Variants in SAMMSON observed in about 807,000 individuals in gnomAD.
SAMMSON encodes survival associated mitochondrial melanoma specific oncogenic non-coding RNA.
intron 3 of SAMMSON, among the ~76,000 whole-genome samples, chr3:70,026,484 ATC>A (rs1422090577): frequency 6.6e-6 from 1 of 152,088 alleles, no homozygotes; most frequent in Admixed American, 6.6e-5. Flanking sequence ...TTTCCTAAAT[ATC>A]TGAGGGTACT....
chr3:70,223,024 G>A (rs1701474304), intron 4 of SAMMSON, among the ~76,000 whole-genome samples: 1 of 152,114 alleles, frequency 6.6e-6, no homozygotes, highest in Admixed American at 6.6e-5. Context: ...CTGTGAGTAT[G>A]AGTTAGGGGC....
intron 6 of SAMMSON, among the ~76,000 whole-genome samples, chr3:70,279,067 CT>C (rs1702055997): frequency 1.3e-5 from 2 of 149,854 alleles, no homozygotes; most frequent in South Asian, 2.2e-4. Flanking sequence ...TTCCTAACAT[CT>C]TCTCATTTGC....
At chr3:70,056,150 A>T (rs2067166591) in intron 3 of SAMMSON, among the ~76,000 whole-genome samples, 1 of 152,032 alleles carries the variant, frequency 6.6e-6, no homozygotes, top group Non-Finnish European at 1.5e-5. Flanking sequence ...CCTCAAAGTT[A>T]GAGACAAAGG....
intron 4 of SAMMSON, among the ~76,000 whole-genome samples, chr3:70,171,541 A>G (rs976470469): frequency 1.3e-5 from 2 of 151,922 alleles, no homozygotes; most frequent in African/African-American, 4.8e-5. Flanking sequence ...AAATCTGAGT[A>G]TAGTTTTGGC....
intron 4 of SAMMSON, among the ~76,000 whole-genome samples, chr3:70,170,579 C>CTTT (rs538385626): frequency 5.0e-4 from 53 of 105,482 alleles, no homozygotes; most frequent in South Asian, 9.6e-4. Context: ...CTAGATTTTC[C>CTTT]TTTTTTTTTT....
intron 1 of SAMMSON, among the ~76,000 whole-genome samples, chr3:70,011,173 G>C (rs2066953967): frequency 6.6e-6 from 1 of 152,004 alleles, no homozygotes; most frequent in South Asian, 2.1e-4. Flanking sequence ...TGAGGTGCAT[G>C]CTATCATCTG....
chr3:70,049,099 T>C (rs1270905749), intron 3 of SAMMSON, among the ~76,000 whole-genome samples: 2 of 152,196 alleles, frequency 1.3e-5, no homozygotes, highest in Non-Finnish European at 2.9e-5. Flanking sequence ...TTTGTTCATA[T>C]ATTTATTCTT....
At chr3:70,299,579 G>A (rs1468267451) in intron 7 of SAMMSON, among the ~76,000 whole-genome samples, 5 of 152,094 alleles carry the variant, frequency 3.3e-5, no homozygotes, top group African/African-American at 1.2e-4. Context: ...AGGCTCGTTG[G>A]AGTCAGCGTT....
chr3:70,027,684 C>G (rs140942712), intron 3 of SAMMSON, among the ~76,000 whole-genome samples: 1 of 152,296 alleles, frequency 6.6e-6, no homozygotes, highest in Non-Finnish European at 1.5e-5. Context: ...TACACCAAAT[C>G]TATTCTTAGA....
chr3:70,196,903 C>A (rs956070112), intron 4 of SAMMSON: 8 of 398,348 alleles, frequency 2.0e-5, no homozygotes, highest in Non-Finnish European at 3.5e-5. Context: ...AAAGGACTGC[C>A]GGAATGTGGT....
chr3:70,110,731 G>A (rs1057430229), intron 4 of SAMMSON, among the ~76,000 whole-genome samples: 4 of 152,086 alleles, frequency 2.6e-5, no homozygotes, highest in African/African-American at 9.7e-5. Flanking sequence ...TATGGCTATG[G>A]GTGACCCATT....
chr3:70,288,106 G>T (rs1702187634), intron 6 of SAMMSON, among the ~76,000 whole-genome samples: 1 of 147,270 alleles, frequency 6.8e-6, no homozygotes, highest in Admixed American at 6.8e-5. Flanking sequence ...GCTAGCTTTT[G>T]AATGTGTTTG....
chr3:70,235,235 GCAT>G (rs1344436988), intron 4 of SAMMSON, among the ~76,000 whole-genome samples: 4 of 152,044 alleles, frequency 2.6e-5, no homozygotes, highest in Non-Finnish European at 4.4e-5. Context: ...CTCTTTCCTT[GCAT>G]CTTCAGTCTT....
intron 6 of SAMMSON, among the ~76,000 whole-genome samples, chr3:70,251,789 A>T (rs890379109): frequency 6.6e-6 from 1 of 152,224 alleles, no homozygotes; most frequent in Non-Finnish European, 1.5e-5. Context: ...GCACACCTGC[A>T]GCTTTGAGTC....
intron 4 of SAMMSON, among the ~76,000 whole-genome samples, chr3:70,225,967 T>A (rs1701502599): frequency 1.3e-5 from 2 of 152,208 alleles, no homozygotes; most frequent in African/African-American, 4.8e-5. Flanking sequence ...TCATTAACAA[T>A]GTAGACAGGA....
intron 7 of SAMMSON, among the ~76,000 whole-genome samples, chr3:70,337,552 A>C: frequency 6.6e-6 from 1 of 152,004 alleles, no homozygotes; most frequent in Non-Finnish European, 1.5e-5. Flanking sequence ...AATTTCTTGC[A>C]ATGAGAATGA....
chr3:70,232,404 A>ATTTTT (rs200752002), intron 4 of SAMMSON, among the ~76,000 whole-genome samples: 2 of 145,056 alleles, frequency 1.4e-5, no homozygotes, highest in African/African-American at 2.5e-5. Flanking sequence ...TGATGTTCCT[A>ATTTTT]TTTTTTTTTT....
At chr3:70,052,107 T>C (rs1270256326) in intron 3 of SAMMSON, among the ~76,000 whole-genome samples, 2 of 151,966 alleles carry the variant, frequency 1.3e-5, no homozygotes, top group Admixed American at 1.3e-4. Flanking sequence ...CAAAAACAAA[T>C]AAATAAATAA....
chr3:70,424,008 G>A (rs1425761117), intron 2 of SAMMSON, among the ~76,000 whole-genome samples: 2 of 152,170 alleles, frequency 1.3e-5, no homozygotes, highest in Non-Finnish European at 2.9e-5. Context: ...TATAGTGATA[G>A]AAGTTAAGTA....
Sources: gnomAD v4.1 joint callset for allele counts (sites outside exome capture counted in the v4.1 genomes callset) on GRCh38, gnomAD v4.1.1 for gene constraint, MANE v1.5 for transcripts, NCBI Gene and HGNC (gene_info 2026-07-23, HGNC 2026-07-21) for gene names.